Variants in TOR1AIP2 observed in about 807,000 individuals in gnomAD.
TOR1AIP2 encodes torsin 1A interacting protein 2, also known as torsin-1A-interacting protein 2.
In TOR1AIP2, 20 loss-of-function variants were observed where a neutral mutation model predicts 32.6. That is an observed-to-expected ratio of 0.61 (90% CI 0.43 to 0.89). The LOEUF is 0.89. Among genes scored for constraint, TOR1AIP2 ranks in the 40% least tolerant of loss-of-function variants. The pLI is 0.00. For synonymous variants in TOR1AIP2, 214 were observed against 210.8 expected (o/e 1.02, Z -0.13); for missense variants, 456 against 553.8 (o/e 0.82, Z 1.77).
chr1:179,863,134 G>A (rs1571685344), intron 3 of TOR1AIP2: 3 of 501,206 alleles, frequency 6.0e-6, no homozygotes, highest in South Asian at 1.7e-4. Context: ...GCTGAGGCAG[G>A]AGAATTGCTT....
In TOR1AIP2 at chr1:179,846,270, A is replaced by C. The variant is rs765043995; in HGVS notation, c.1214T>G (p.Leu405Ter). The change falls in exon 7 of 7, where the codon TTA becomes TGA. Residue 405 changes from leucine (L) to a stop codon, truncating the protein, a stop_gained. Transcript: ENST00000609928. LOFTEE classifies it high-confidence loss of function. ...TTCCCTTGGGCCTACACTTGCTTCT[A>C]ATGTTTCCTCCTCTAGCAGAACAGT... ...VLTVLLEEETLEASVGPRETE... is the reference protein window; with the variant it reads ...VLTVLLEEET The C allele has an allele frequency of 5.0e-6, 8 of 1,614,118 alleles. No homozygotes were observed. The highest frequency in any genetic ancestry group is 6.8e-6 in the Non-Finnish European group (8 of 1,180,016).
chr1:179,847,738 G>A, intron 5 of TOR1AIP2, 102 bp from the exon 6 acceptor site: 1 of 832,244 alleles, frequency 1.2e-6, no homozygotes, highest in East Asian at 2.6e-5. Flanking sequence ...TGACTAAAAG[G>A]CTTTCTATAC....
intron 3 of TOR1AIP2, among the ~76,000 whole-genome samples, chr1:179,854,487 A>G (rs547429569): frequency 6.6e-6 from 1 of 152,354 alleles, no homozygotes; most frequent in East Asian, 1.9e-4. Context: ...GTGGGTCCTA[A>G]AATTCACAAA....
chr1:179,876,323 A>T (rs1016567870), intron 2 of TOR1AIP2: 2 of 152,212 alleles, frequency 1.3e-5, no homozygotes, highest in African/African-American at 4.8e-5. Context: ...TTCTGAAGTT[A>T]ATTTATTTAT....
At chr1:179,859,855 C>A (rs1437949231) in intron 3 of TOR1AIP2, 5 of 983,816 alleles carry the variant, frequency 5.1e-6, no homozygotes, top group Non-Finnish European at 6.0e-6. Context: ...AGATAAAGGG[C>A]CTTACTCTGT....
At chr1:179,861,987 A>T in intron 3 of TOR1AIP2, 5 of 984,906 alleles carry the variant, frequency 5.1e-6, no homozygotes, top group Non-Finnish European at 6.0e-6. Flanking sequence ...GGTACATGCC[A>T]TGGCACCCGG....
chr1:179,845,767 T>C lies in TOR1AIP2; in HGVS notation c.*304A>G. The C allele has an allele frequency of 4.1e-6, 1 of 242,092 alleles. No homozygotes were observed. Among genetic ancestry groups the C allele is most frequent in the Non-Finnish European group, 7.9e-6 (1 of 126,938 alleles). 15.0% of individuals were successfully genotyped at this position (242,092 alleles called of 1,614,324 possible). ...GTAGTTACTCTAAGAAGTAAGAGTA[T>C]CTTCCTGTGCAATGTTGCTATATTT... On this transcript the variant is annotated 3_prime_UTR_variant, in exon 7 of 7. Transcript: ENST00000609928.
In TOR1AIP2 at chr1:179,847,560, A is replaced by C. The variant is rs757912562; in HGVS notation, c.630T>G (p.Ile210Met). 1.9e-6 allele frequency: 3 copies of C among 1,614,020 alleles called. No individual in the cohort carries two copies. Among genetic ancestry groups the C allele is most frequent in the Admixed American group, 3.3e-5 (2 of 60,016 alleles). ...CATAGCTCCAAAAACCCTTTTTATT[A>C]ATCTGTCTCATGGTGTCCTGTGCAT... ...KENAQDTMRQINKKGFWSYGP... is the reference protein window; with the variant it reads ...KENAQDTMRQMNKKGFWSYGP... Residue 210 changes from isoleucine to methionine, a missense_variant, in exon 6 of 7, where the codon ATT becomes ATG. Ile to Met is a conservative substitution (Grantham distance 10, BLOSUM62 1). Coordinates refer to ENST00000609928, the MANE Select transcript of TOR1AIP2 (RefSeq NM_001199260.2).
At chr1:179,860,721 CAGAATT>C in intron 3 of TOR1AIP2, 1 of 985,184 alleles carries the variant, frequency 1.0e-6, no homozygotes, top group Non-Finnish European at 1.2e-6. Flanking sequence ...TTAATAGTAT[CAGAATT>C]AGAATAGAAA....
At chr1:179,873,267 T>C (rs1371528797) in intron 2 of TOR1AIP2, among the ~76,000 whole-genome samples, 1 of 152,230 alleles carries the variant, frequency 6.6e-6, no homozygotes, top group African/African-American at 2.4e-5. Context: ...GCTCAAGCGA[T>C]CCTCTTGCCT....
rs943879931 is a variant in TOR1AIP2 at position 179,844,301 on chromosome 1, T to A, written c.*1770A>T. 4 of 152,198 alleles carry A rather than the reference T, an allele frequency of 2.6e-5. No individual in the cohort carries two copies. The highest frequency in any genetic ancestry group is 4.4e-5 in the Non-Finnish European group (3 of 68,036). 9.4% of individuals were successfully genotyped at this position (152,198 alleles called of 1,614,324 possible). A position where few individuals can be genotyped will look rare whatever the true frequency, so the allele number is the denominator to read the frequency against. On this transcript the variant is annotated 3_prime_UTR_variant, in exon 7 of 7. Coordinates refer to ENST00000609928, the MANE Select transcript of TOR1AIP2 (RefSeq NM_001199260.2). ...CTTCGAAGTCCCAAATGCAAATTCTTCCTTCAGGTATGCCCCTACACTCAA... is the reference window on the plus strand; with the variant it reads ...CTTCGAAGTCCCAAATGCAAATTCTACCTTCAGGTATGCCCCTACACTCAA...
At chr1:179,870,130 T>C (rs1276160519) in intron 2 of TOR1AIP2, among the ~76,000 whole-genome samples, 2 of 152,156 alleles carry the variant, frequency 1.3e-5, no homozygotes, top group Admixed American at 6.5e-5. Flanking sequence ...GGCACGGTGG[T>C]TTACGCCTGT....
At position 179,846,409 on chromosome 1, in the gene TOR1AIP2, G is replaced by A; in HGVS notation, c.1075C>T (p.Gln359Ter). 6.2e-7 allele frequency: 1 copy of A among 1,614,118 alleles called. No homozygotes were observed. Among genetic ancestry groups the A allele is most frequent in the Non-Finnish European group, 8.5e-7 (1 of 1,180,028 alleles). ...AAGTGGTGTACCACAGCAGCCTTCTGGCCATTCTCAAACCCATAGCTCAGC... is the reference window on the plus strand; with the variant it reads ...AAGTGGTGTACCACAGCAGCCTTCTAGCCATTCTCAAACCCATAGCTCAGC... The part of the protein sequence containing the change: ...LELSYGFENG[Q>*]KAAVVHHFES... The change falls in exon 7 of 7, where the codon CAG (glutamine) becomes TAG (stop). Residue 359 changes from glutamine (Q) to a stop codon, truncating the protein, a stop_gained. Transcript: ENST00000609928. LOFTEE classifies it high-confidence loss of function.
In TOR1AIP2 at chr1:179,842,993, G is replaced by A. The variant is rs1695771494; in HGVS notation, c.*3078C>T. On this transcript the variant is annotated 3_prime_UTR_variant, in exon 7 of 7. Transcript: ENST00000609928. Reference sequence around the variant, plus strand: ...GAACCCAGGAGGCGGAGCTTGCAGTGAGCCAAGATTGCACCACTGCACTCC... The same window carrying A: ...GAACCCAGGAGGCGGAGCTTGCAGTAAGCCAAGATTGCACCACTGCACTCC... The A allele has an allele frequency of 1.4e-5, 2 of 142,826 alleles. No individual in the cohort carries two copies. The allele number at this position is 142,826 out of a possible 1,614,324, so 8.8% of individuals were successfully genotyped here.
rs1416171021 is a variant in TOR1AIP2, at chr1:179,851,087, G to C, written c.311C>G (p.Pro104Arg). The C allele has an allele frequency of 1.2e-6, 2 of 1,614,080 alleles. No individual in the cohort carries two copies. Residue 104 changes from proline to arginine, a missense_variant, in exon 5 of 7, where the codon CCT (proline) becomes CGT (arginine). Physicochemically the swap from Pro to Arg is moderately radical, Grantham distance 103. Coordinates refer to ENST00000609928, the MANE Select transcript of TOR1AIP2 (RefSeq NM_001199260.2). Reference protein sequence around the residue: ...FLDGGKGHHLPSENLGKEPLD... With the variant: ...FLDGGKGHHLRSENLGKEPLD... ...GGGTTCTTTACCCAGATTTTCTGAA[G>C]GGAGGTGATGCCCTTTTCCGCCATC...
chr1:179,874,048 T>C (rs985265042), intron 2 of TOR1AIP2: 1 of 152,262 alleles, frequency 6.6e-6, no homozygotes, highest in Non-Finnish European at 1.5e-5. Context: ...TCAGTGCTAC[T>C]GGGGTATAAC....
Position 179,862,675 on chromosome 1 carries a change from C to T in TOR1AIP2, c.-147+2761G>A, listed in dbSNP as rs534426347. 20 of 984,214 alleles carry T rather than the reference C, an allele frequency of 2.0e-5. 1 individual carries two copies. The highest frequency in any genetic ancestry group is 1.0e-3 in the Middle Eastern group (2 of 1,912). The allele number at this position is 984,214 out of a possible 1,614,324, so 61.0% of individuals were successfully genotyped here. ...CAGGCACGGTGGCTATGCCTGTAAT[C>T]CCAGCACTGTCGGAGGTCAGGGCAG... is the stretch of plus-strand genomic sequence containing the variant. On this transcript the variant is annotated intron_variant, in intron 3 of 6. Coordinates refer to ENST00000609928, the MANE Select transcript of TOR1AIP2 (RefSeq NM_001199260.2).
rs1216807922 is a variant in TOR1AIP2, at chr1:179,846,220, G to GT, written c.1263dup (p.Leu422ThrfsTer9). 5.6e-6 allele frequency: 9 copies of GT among 1,614,178 alleles called. No individual in the cohort carries two copies. Among genetic ancestry groups the GT allele is most frequent in the Non-Finnish European group, 7.6e-6 (9 of 1,180,034 alleles). On this transcript the variant is annotated frameshift_variant, in exon 7 of 7. Coordinates refer to ENST00000609928, the MANE Select transcript of TOR1AIP2 (RefSeq NM_001199260.2). LOFTEE classifies it high-confidence loss of function. ...TCAGAGTTGGTAAACTTGGCCCAGA[G>GT]TAAGTCTCTCACTTTTTCTTCCGTT...
chr1:179,843,902 G>A lies in TOR1AIP2; in HGVS notation c.*2169C>T, dbSNP rs200870209. On this transcript the variant is annotated 3_prime_UTR_variant, in exon 7 of 7. Coordinates refer to ENST00000609928, the MANE Select transcript of TOR1AIP2 (RefSeq NM_001199260.2). Reference sequence around the variant, plus strand: ...CCCTCAATTGATTGCACTATACATGGAAGGGAAAATGTTTTTAAAAAGGCT... The same window carrying A: ...CCCTCAATTGATTGCACTATACATGAAAGGGAAAATGTTTTTAAAAAGGCT... 6 of 151,498 alleles carry A rather than the reference G, an allele frequency of 4.0e-5. No homozygotes were observed. In the East Asian group the frequency reaches 1.2e-3, roughly 29 times the overall value. 9.4% of individuals were successfully genotyped at this position (151,498 alleles called of 1,614,324 possible). A position where few individuals can be genotyped will look rare whatever the true frequency, so the allele number is the denominator to read the frequency against.
Sources: allele counts gnomAD v4.1 joint callset (sites outside exome capture counted in the v4.1 genomes callset), GRCh38; gene constraint gnomAD v4.1.1; transcripts MANE v1.5; gene names NCBI Gene and HGNC (gene_info 2026-07-23, HGNC 2026-07-21).